Variants in TBCK observed in about 807,000 individuals in gnomAD.
The protein encoded by TBCK is TBC domain-containing protein kinase-like protein.
Under a neutral mutation model 113.4 loss-of-function variants are expected in TBCK, and 99 were observed. The observed-to-expected ratio is 0.87, with a 90% confidence interval of 0.74 to 1.03. TBCK has a LOEUF of 1.03. Among genes scored for constraint, TBCK ranks in the 50% least tolerant of loss-of-function variants. The pLI, the probability that TBCK is intolerant of heterozygous loss-of-function variation, is 0.00. For missense variants in TBCK, 1,045 were observed against 1,061.3 expected (o/e 0.98, Z 0.21); for synonymous variants, 369 against 370.8 (o/e 1.00, Z 0.05).
chr4:106,216,921 GA>G (rs1560840510), intron 19 of TBCK, among the ~76,000 whole-genome samples: 1 of 151,842 alleles, frequency 6.6e-6, no homozygotes, highest in Non-Finnish European at 1.5e-5. Flanking sequence ...CCAAAAAAGA[GA>G]ATTTTAGACC....
chr4:106,180,486 T>C (rs1207923398), intron 22 of TBCK, among the ~76,000 whole-genome samples: 1 of 152,000 alleles, frequency 6.6e-6, no homozygotes, highest in Non-Finnish European at 1.5e-5. Context: ...GCAGCACCCA[T>C]CAACCCGTCA....
intron 3 of TBCK, among the ~76,000 whole-genome samples, chr4:106,286,685 T>G (rs1389077209): frequency 6.6e-6 from 1 of 151,866 alleles, no homozygotes; most frequent in Non-Finnish European, 1.5e-5. Context: ...AAAATAGCCA[T>G]GTATGGTGAT....
intron 10 of TBCK, among the ~76,000 whole-genome samples, chr4:106,245,326 T>C (rs1760676676): frequency 6.6e-6 from 1 of 152,158 alleles, no homozygotes; most frequent in Admixed American, 6.6e-5. Context: ...AGCACTGTTC[T>C]TAACAAGGTC....
chr4:106,302,504 A>T (rs1054181528), intron 2 of TBCK, among the ~76,000 whole-genome samples: 2 of 152,202 alleles, frequency 1.3e-5, no homozygotes, highest in Admixed American at 6.5e-5. Flanking sequence ...GGAGCTTTAG[A>T]ACTATTTTGT....
At chr4:106,180,731 A>G (rs1752258584) in intron 22 of TBCK, among the ~76,000 whole-genome samples, 1 of 152,126 alleles carries the variant, frequency 6.6e-6, no homozygotes, top group South Asian at 2.1e-4. Context: ...TTATGGCTGC[A>G]TAGTATTCCA....
At chr4:106,149,047 T>C (rs1479443624) in intron 23 of TBCK, among the ~76,000 whole-genome samples, 1 of 152,228 alleles carries the variant, frequency 6.6e-6, no homozygotes, top group African/African-American at 2.4e-5. Flanking sequence ...TTTTCTTAAA[T>C]CTTATGAACC....
intron 2 of TBCK, among the ~76,000 whole-genome samples, chr4:106,307,672 G>A (rs1447622031): frequency 1.3e-5 from 2 of 151,858 alleles, no homozygotes; most frequent in South Asian, 2.1e-4. Context: ...ATTTTTTTAC[G>A]TCTACAAATT....
chr4:106,113,266 T>C (rs1743067501), intron 24 of TBCK, among the ~76,000 whole-genome samples: 1 of 152,180 alleles, frequency 6.6e-6, no homozygotes, highest in Non-Finnish European at 1.5e-5. Context: ...GGAGAGGCCA[T>C]AGTAGAACAT....
chr4:106,106,933 G>A (rs923026632), intron 24 of TBCK, among the ~76,000 whole-genome samples: 1 of 151,812 alleles, frequency 6.6e-6, no homozygotes, highest in African/African-American at 2.4e-5. Context: ...CAAAATAAAG[G>A]GATGGAGAAA....
intron 25 of TBCK, among the ~76,000 whole-genome samples, chr4:106,088,940 G>A (rs953155817): frequency 3.3e-5 from 5 of 152,058 alleles, no homozygotes; most frequent in South Asian, 2.1e-4. Context: ...GCTGGTGGGC[G>A]AGGGAAGGGA....
intron 23 of TBCK, among the ~76,000 whole-genome samples, chr4:106,129,287 C>G (rs961818938): frequency 1.3e-5 from 2 of 152,112 alleles, no homozygotes; most frequent in Non-Finnish European, 2.9e-5. Context: ...TCCTGATGCT[C>G]TCCCTCTCTC....
At chr4:106,219,200 T>C (rs1204974520) in intron 19 of TBCK, among the ~76,000 whole-genome samples, 1 of 114,538 alleles carries the variant, frequency 8.7e-6, no homozygotes, top group Non-Finnish European at 1.6e-5. Context: ...AAGGGGAACA[T>C]CACACTCTGG....
chr4:106,195,637 G>GAGGA, intron 20 of TBCK, among the ~76,000 whole-genome samples: 1 of 152,108 alleles, frequency 6.6e-6, no homozygotes, highest in Non-Finnish European at 1.5e-5. Context: ...GTAGAGGAAG[G>GAGGA]AGGAATGTGC....
In TBCK at chr4:106,107,082, C is replaced by A. The variant is rs192969572; in HGVS notation, c.2411+9121G>T. Among the ~76,000 whole-genome samples, 396 of 151,674 alleles carry A rather than the reference C, an allele frequency of 2.6e-3. 4 individuals carry two copies. Among genetic ancestry groups the A allele is most frequent in the Non-Finnish European group, 8.6e-4 (58 of 67,826 alleles). On this transcript the variant is annotated intron_variant, in intron 24 of 25. Coordinates refer to ENST00000394708, the MANE Select transcript of TBCK (RefSeq NM_001163435.3). ...TGGTAAAGGGTTCAATTTAATAAGA[C>A]CTAACTATTCTAAATATATATGAAC...
intron 3 of TBCK, among the ~76,000 whole-genome samples, chr4:106,287,406 G>A (rs941116212): frequency 5.3e-5 from 8 of 151,978 alleles, no homozygotes; most frequent in African/African-American, 1.9e-4. Flanking sequence ...TATTTGTATG[G>A]TCTCTAAGAC....
At chr4:106,087,995 C>A (rs28845843) in intron 25 of TBCK, among the ~76,000 whole-genome samples, 59,898 of 152,066 alleles carry the variant, frequency 0.39, 12,074 homozygotes, top group South Asian at 0.47. Context: ...CAAAACCATA[C>A]AAACCCTAGA....
chr4:106,101,238 CA>C (rs1163918537), intron 24 of TBCK, among the ~76,000 whole-genome samples: 2 of 152,138 alleles, frequency 1.3e-5, no homozygotes, highest in African/African-American at 2.4e-5. Context: ...GTTCTCACAG[CA>C]AATCGGAGCT....
intron 25 of TBCK, among the ~76,000 whole-genome samples, chr4:106,081,177 C>T (rs566149869): frequency 6.6e-6 from 1 of 152,304 alleles, no homozygotes; most frequent in Admixed American, 6.5e-5. Flanking sequence ...AATCCTATTA[C>T]TTGGTATATG....
chr4:106,145,921 A>G (rs2149666837), intron 23 of TBCK, among the ~76,000 whole-genome samples: 1 of 152,346 alleles, frequency 6.6e-6, no homozygotes, highest in Middle Eastern at 3.4e-3. Context: ...TGTAGAGAAA[A>G]GGGAACACTT....
Sources: allele counts gnomAD v4.1 joint callset (sites outside exome capture counted in the v4.1 genomes callset), GRCh38; gene constraint gnomAD v4.1.1; transcripts MANE v1.5; gene names NCBI Gene and HGNC (gene_info 2026-07-23, HGNC 2026-07-21).